The following NDUFA10 variants were observed in gnomAD, a reference collection of about 807,000 sequenced individuals.
The protein encoded by NDUFA10 is NADH:ubiquinone oxidoreductase subunit A10, also known as NADH dehydrogenase [ubiquinone] 1 alpha subcomplex subunit 10, mitochondrial.
A neutral mutation model predicts 47.8 loss-of-function variants in NDUFA10; 40 were observed. That is an observed-to-expected ratio of 0.84 (90% CI 0.65 to 1.09). The LOEUF is 1.09. Ranked by LOEUF, NDUFA10 falls within the 50% of genes least tolerant of loss-of-function variation. The pLI, the probability that NDUFA10 is intolerant of heterozygous loss-of-function variation, is 0.00. For missense variants in NDUFA10, 413 were observed against 451.1 expected (o/e 0.92, Z 0.76); for synonymous variants, 183 against 172.2 (o/e 1.06, Z -0.49).
chr2:239,959,539 T>C lies in NDUFA10; in HGVS notation c.*1579A>G. On this transcript the variant is annotated 3_prime_UTR_variant, in exon 10 of 10. Transcript: ENST00000252711. ...ATGATTAAAGCTGTTGGTTTCCTAG[T>C]GAAATGCAAAACTTCAGCCACTTAA... 1 of 985,524 alleles carries C rather than the reference T, an allele frequency of 1.0e-6. No homozygotes were observed. The highest frequency in any genetic ancestry group is 1.2e-6 in the Non-Finnish European group (1 of 829,962). 61.0% of individuals were successfully genotyped at this position (985,524 alleles called of 1,614,324 possible). A position where few individuals can be genotyped will look rare whatever the true frequency, so the allele number is the denominator to read the frequency against.
chr2:240,024,281 T>C (rs1195010508), intron 1 of NDUFA10, among the ~76,000 whole-genome samples: 1 of 152,228 alleles, frequency 6.6e-6, no homozygotes, highest in Non-Finnish European at 1.5e-5. Flanking sequence ...TATTACTCAG[T>C]GATTAAAAAG....
At chr2:239,944,176 C>T (rs1694407489) in intron 4 of NDUFA10, among the ~76,000 whole-genome samples, 1 of 152,090 alleles carries the variant, frequency 6.6e-6, no homozygotes, top group Non-Finnish European at 1.5e-5. Context: ...ACTCAGCCCA[C>T]CCCCTCCTGG....
intron 8 of NDUFA10, among the ~76,000 whole-genome samples, chr2:240,001,104 A>G (rs1171520814): frequency 6.6e-6 from 1 of 152,192 alleles, no homozygotes; most frequent in Non-Finnish European, 1.5e-5. Context: ...ACAACAATCA[A>G]CTGCACTGGG....
Position 239,987,371 on chromosome 2 carries a change from C to T in NDUFA10, c.999+2703G>A, listed in dbSNP as rs7570794. ...ATGCGTGTCTGGGCCCCATCCCCTGCGTGTCTAGTCCAGGAGGCCTGGACT... is the reference window on the plus strand; with the variant it reads ...ATGCGTGTCTGGGCCCCATCCCCTGTGTGTCTAGTCCAGGAGGCCTGGACT... On this transcript the variant is annotated intron_variant, in intron 9 of 9. Coordinates refer to ENST00000252711, the MANE Select transcript of NDUFA10 (RefSeq NM_004544.4). The surrounding 1 kb of genome is among the most constrained non-coding windows in gnomAD (Gnocchi z 4.8). 0.74 allele frequency among the ~76,000 whole-genome samples: 111,420 copies of T among 151,572 alleles called. 41,147 individuals are homozygous for T. Among genetic ancestry groups the T allele is most frequent in the African/African-American group, 0.79 (32,756 of 41,308 alleles).
chr2:239,983,669 G>T, intron 9 of NDUFA10: 2 of 1,577,878 alleles, frequency 1.3e-6, no homozygotes. Context: ...TGCCCCTGAT[G>T]CTTCACCTCT....
intron 4 of NDUFA10, among the ~76,000 whole-genome samples, chr2:239,921,217 C>T (rs1693972177): frequency 6.6e-6 from 1 of 152,100 alleles, no homozygotes; most frequent in African/African-American, 2.4e-5. Flanking sequence ...GGGCCCAACC[C>T]TGCTGTGTCC....
intron 3 of NDUFA10, 141 bp from the exon 4 acceptor site, chr2:240,018,780 C>T (rs1299178054): frequency 9.9e-7 from 1 of 1,007,670 alleles, no homozygotes; most frequent in East Asian, 2.6e-5. Flanking sequence ...AGAACATAGA[C>T]ATATTTGTAA....
downstream of NDUFA10, among the ~76,000 whole-genome samples, chr2:239,953,757 A>C (rs1244444900): frequency 6.6e-6 from 1 of 152,242 alleles, no homozygotes; most frequent in Non-Finnish European, 1.5e-5. Context: ...TGTCCTTAAA[A>C]GGCTGGAGGC....
Position 239,931,353 on chromosome 2 carries a change from C to G in NDUFA10, c.295-36039G>C, listed in dbSNP as rs75881213. Among the ~76,000 whole-genome samples the G allele has an allele frequency of 7.0e-3, 1,067 of 152,334 alleles. 13 individuals are homozygous for G. The highest frequency in any genetic ancestry group is 0.024 in the African/African-American group (1,006 of 41,568). On this transcript the variant is annotated intron_variant, in intron 4 of 5. Transcript: ENST00000419408. ...CTCACACAGCCCCCTCCCTCTCCTT[C>G]GATGACACTTGTCATTGGATGAGGA... is the stretch of plus-strand genomic sequence containing the variant.
chr2:239,938,796 C>T (rs1269902854), intron 4 of NDUFA10, among the ~76,000 whole-genome samples: 1 of 152,198 alleles, frequency 6.6e-6, no homozygotes, highest in Non-Finnish European at 1.5e-5. Context: ...TTCACCCAAA[C>T]GGCACAGAGA....
chr2:239,905,592 C>T (rs1275252076), intron 4 of NDUFA10, among the ~76,000 whole-genome samples: 7 of 152,088 alleles, frequency 4.6e-5, no homozygotes, highest in Non-Finnish European at 1.0e-4. Flanking sequence ...GGGGGGTTTA[C>T]GCAGCAAAGC....
chr2:239,967,975 A>AAAAC (rs759401228), intron 9 of NDUFA10, among the ~76,000 whole-genome samples: 1 of 42,086 alleles, frequency 2.4e-5, no homozygotes, highest in African/African-American at 1.0e-4. Flanking sequence ...CAAGGAAAAA[A>AAAAC]ATATACACAC....
intron 4 of NDUFA10, among the ~76,000 whole-genome samples, chr2:239,948,211 G>A (rs76688154): frequency 0.075 from 11,438 of 152,278 alleles, 956 homozygotes; most frequent in African/African-American, 0.21. Flanking sequence ...CTGCCCACAC[G>A]TCCGTCCCTC....
chr2:239,966,848 C>G (rs1023477158), intron 9 of NDUFA10, among the ~76,000 whole-genome samples: 1 of 113,824 alleles, frequency 8.8e-6, no homozygotes, highest in South Asian at 3.0e-4. Context: ...GCAAGGATTT[C>G]TTTTTTTTTT....
intron 4 of NDUFA10, among the ~76,000 whole-genome samples, chr2:239,899,071 GTGA>G (rs1481914145): frequency 1.7e-4 from 9 of 52,068 alleles, no homozygotes; most frequent in Admixed American, 3.9e-4. Flanking sequence ...ATGGAGGGGT[GTGA>G]TGGAGGAGTG....
chr2:239,908,206 T>G (rs1029694594), intron 4 of NDUFA10, among the ~76,000 whole-genome samples: 2 of 151,734 alleles, frequency 1.3e-5, no homozygotes, highest in African/African-American at 2.4e-5. Context: ...ATGAGAACAC[T>G]TGGACACAGG....
chr2:239,997,061 T>A (rs1696510926), intron 8 of NDUFA10, among the ~76,000 whole-genome samples: 1 of 152,138 alleles, frequency 6.6e-6, no homozygotes, highest in Admixed American at 6.5e-5. Context: ...TTTTTATTGC[T>A]GTGTTATTTT....
intron 8 of NDUFA10, among the ~76,000 whole-genome samples, chr2:239,994,116 G>T (rs371567326): frequency 2.6e-5 from 4 of 152,094 alleles, no homozygotes; most frequent in Admixed American, 2.6e-4. Context: ...CCTTCCAGAC[G>T]CTGTGTTGAC....
chr2:239,967,646 A>C (rs1259912022), intron 9 of NDUFA10, among the ~76,000 whole-genome samples: 1 of 152,198 alleles, frequency 6.6e-6, no homozygotes, highest in Non-Finnish European at 1.5e-5. Context: ...CTAAGTGCCT[A>C]CAGGTGCCAG....
Sources: allele counts gnomAD v4.1 joint callset (sites outside exome capture counted in the v4.1 genomes callset), GRCh38; gene constraint gnomAD v4.1.1; non-coding constraint Gnocchi (gnomAD v3.1); transcripts MANE v1.5; gene names NCBI Gene and HGNC (gene_info 2026-07-23, HGNC 2026-07-21).